Variants in MED18 observed in about 807,000 individuals in gnomAD.
The protein encoded by MED18 is mediator complex subunit 18, also known as mediator of RNA polymerase II transcription subunit 18.
In MED18, 10 loss-of-function variants were observed where a neutral mutation model predicts 13.9. The observed-to-expected ratio is 0.72, with a 90% CI of 0.44 to 1.22. The LOEUF is 1.22. MED18 is among the 50% of genes most tolerant of loss of function. The pLI is 0.00. For synonymous variants in MED18, 88 were observed against 93.2 expected, an observed-to-expected ratio of 0.94 and a Z score of 0.32; for missense variants, 216 against 279.0, an observed-to-expected ratio of 0.77 and a Z score of 1.61.
intron 2 of MED18, among the ~76,000 whole-genome samples, chr1:28,331,252 G>C (rs1024443243): frequency 7.9e-5 from 12 of 151,736 alleles, no homozygotes; most frequent in African/African-American, 2.7e-4. Context: ...GTATTGTTAA[G>C]TATATTAACA....
At chr1:28,333,346 G>A (rs1235008582) in intron 2 of MED18, among the ~76,000 whole-genome samples, 1 of 152,124 alleles carries the variant, frequency 6.6e-6, no homozygotes, top group Non-Finnish European at 1.5e-5. Context: ...CAGTGTTTGG[G>A]GAAGATGAGA....
In MED18 at chr1:28,334,434, A is replaced by C. The variant is rs200869940; in HGVS notation, c.91A>C (p.Ser31Arg). The C allele has an allele frequency of 1.9e-5, 30 of 1,613,460 alleles. No homozygotes were observed. Among genetic ancestry groups the C allele is most frequent in the Non-Finnish European group, 2.3e-5 (27 of 1,179,648 alleles). ...YLLQGSVLDH[S>R]LESLIHRLRG... Reference sequence around the variant, plus strand: ...GTTTTCAGGAAGTGTTTTAGATCACAGTTTGGAAAGCCTCATCCACCGCCT... The same window carrying C: ...GTTTTCAGGAAGTGTTTTAGATCACCGTTTGGAAAGCCTCATCCACCGCCT... The change falls in exon 3 of 3, where the codon AGT becomes CGT. Residue 31 changes from serine (S) to arginine (R), a missense_variant. Coordinates refer to ENST00000373842, the MANE Select transcript of MED18 (RefSeq NM_017638.3).
chr1:28,332,110 G>A (rs1649757993), intron 2 of MED18, among the ~76,000 whole-genome samples: 1 of 152,130 alleles, frequency 6.6e-6, no homozygotes, highest in South Asian at 2.1e-4. Context: ...GCAGAAAGAT[G>A]ACTAAAAAAA....
At chr1:28,333,598 A>G (rs563736649) in intron 2 of MED18, among the ~76,000 whole-genome samples, 52 of 152,350 alleles carry the variant, frequency 3.4e-4, no homozygotes, top group Admixed American at 2.0e-3. Flanking sequence ...CAGTGGCTCC[A>G]TGCCTGTAAT....
intron 2 of MED18, among the ~76,000 whole-genome samples, chr1:28,333,128 A>G (rs1649798243): frequency 6.6e-6 from 1 of 152,196 alleles, no homozygotes; most frequent in Non-Finnish European, 1.5e-5. Flanking sequence ...ACAGTTTGAT[A>G]TTGAACATGT....
intron 2 of MED18, among the ~76,000 whole-genome samples, chr1:28,333,835 G>GT (rs1212616266): frequency 6.6e-6 from 1 of 152,220 alleles, no homozygotes; most frequent in Non-Finnish European, 1.5e-5. Context: ...ACTCCAGCCT[G>GT]AAGACAGAGC....
intron 2 of MED18, among the ~76,000 whole-genome samples, chr1:28,331,321 T>C (rs1240386202): frequency 6.6e-6 from 1 of 152,058 alleles, no homozygotes; most frequent in Non-Finnish European, 1.5e-5. Context: ...AAAAAATACT[T>C]AGTACAACTT....
rs190741784 is a variant in MED18 at position 28,335,111 on chromosome 1, G to A, written c.*141G>A. The A allele has an allele frequency of 3.5e-4, 263 of 758,810 alleles. 1 individual carries two copies. In the African/African-American group the frequency reaches 3.7e-3, roughly 11 times the overall value. 47.0% of individuals were successfully genotyped at this position (758,810 alleles called of 1,614,324 possible). A position where few individuals can be genotyped will look rare whatever the true frequency, so the allele number is the denominator to read the frequency against. On this transcript the variant is annotated 3_prime_UTR_variant, in exon 3 of 3. Transcript: ENST00000373842. Reference sequence around the variant, plus strand: ...GGCTGGAGTGCAGTGGCACGATCTCGGCTCACTGCAACCTCTGCCTCCTGG... The same window carrying A: ...GGCTGGAGTGCAGTGGCACGATCTCAGCTCACTGCAACCTCTGCCTCCTGG...
intron 2 of MED18, among the ~76,000 whole-genome samples, chr1:28,331,347 C>CA (rs543321212): frequency 2.8e-3 from 423 of 152,018 alleles, no homozygotes; most frequent in Admixed American, 5.4e-3. Flanking sequence ...TTCTTTGAGA[C>CA]AGAGTCTCAA....
At chr1:28,329,999 G>T (rs143296200) in intron 1 of MED18, among the ~76,000 whole-genome samples, 1 of 152,042 alleles carries the variant, frequency 6.6e-6, no homozygotes, top group Non-Finnish European at 1.5e-5. Context: ...GCCGGGCACG[G>T]TGGCTCACAC....
rs769973404 is a variant in MED18 at position 28,334,635 on chromosome 1, C to T, written c.292C>T (p.Arg98Cys). The T allele has an allele frequency of 8.7e-6, 14 of 1,614,154 alleles. No individual in the cohort carries two copies. The highest frequency in any genetic ancestry group is 3.3e-4 in the Middle Eastern group (2 of 6,062). The change falls in exon 3 of 3, where the codon CGC becomes TGC. Residue 98 changes from arginine to cysteine, a missense_variant. Transcript: ENST00000373842. ...ACAGCCAGAAATGGGAGACAAGAAC[C>T]GCCATGCCCTGGTGCGAAACTGCGT... ...LGQPEMGDKN[R>C]HALVRNCVDI...
chr1:28,330,789 C>G, intron 2 of MED18, 54 bp downstream of exon 2: 1 of 1,402,256 alleles, frequency 7.1e-7, no homozygotes, highest in Non-Finnish European at 9.7e-7. Context: ...TGTTCAGCTT[C>G]CCTTAAGATG....
chr1:28,334,121 C>T (rs754974193), intron 2 of MED18, among the ~76,000 whole-genome samples: 13 of 152,064 alleles, frequency 8.5e-5, no homozygotes, highest in Non-Finnish European at 1.6e-4. Flanking sequence ...TAGACACTGT[C>T]GCTGATTAAA....
At chr1:28,330,931 G>A (rs574353402) in intron 2 of MED18, 196 bp downstream of exon 2, 9 of 362,796 alleles carry the variant, frequency 2.5e-5, no homozygotes, top group Middle Eastern at 8.1e-4. Context: ...GGTGGCTCAC[G>A]CGTATAATCC....
At chr1:28,332,397 G>A (rs1199586961) in intron 2 of MED18, among the ~76,000 whole-genome samples, 4 of 151,252 alleles carry the variant, frequency 2.6e-5, no homozygotes, top group African/African-American at 9.7e-5. Flanking sequence ...GAGACAGAGT[G>A]AGACCCTACC....
Position 28,330,101 on chromosome 1 carries a change from G to C in MED18, c.-66-496G>C, listed in dbSNP as rs147152863. Among the ~76,000 whole-genome samples, 852 of 151,948 alleles carry C rather than the reference G, an allele frequency of 5.6e-3. 4 individuals are homozygous for C. Among genetic ancestry groups the C allele is most frequent in the Non-Finnish European group, 9.3e-3 (631 of 67,948 alleles). On this transcript the variant is annotated intron_variant, in intron 1 of 2. Transcript: ENST00000373842. ...AACCTGGCCAACATGACGAAACCCC[G>C]TCTCTACTAAAAATACAAAAAAAAT...
intron 2 of MED18, 82 bp downstream of exon 2, chr1:28,330,817 G>A: frequency 1.8e-6 from 2 of 1,098,480 alleles, no homozygotes; most frequent in Non-Finnish European, 2.6e-6. Context: ...TAACACAAAA[G>A]CAGCCTGCAC....
chr1:28,331,951 C>T (rs1395118388), intron 2 of MED18, among the ~76,000 whole-genome samples: 6 of 152,098 alleles, frequency 3.9e-5, no homozygotes, highest in Non-Finnish European at 5.9e-5. Context: ...CCATGTTGGC[C>T]GGGCTGGTCT....
rs1649870661 is a variant in MED18 at position 28,334,670 on chromosome 1, C to G, written c.327C>G (p.Ala109=). The G allele has an allele frequency of 1.2e-6, 2 of 1,614,198 alleles. No homozygotes were observed. Among genetic ancestry groups the G allele is most frequent in the Non-Finnish European group, 1.7e-6 (2 of 1,180,046 alleles). Residue 109 remains alanine, a synonymous_variant, in exon 3 of 3, where the codon GCC becomes GCG. Transcript: ENST00000373842. ...TGGTGCGAAACTGCGTGGACATTGC[C>G]ACATCTGAGAACCTCACCGACTTCT... ...HALVRNCVDI[A]TSENLTDFLM...
Sources: gnomAD v4.1 joint callset for allele counts (sites outside exome capture counted in the v4.1 genomes callset) on GRCh38, gnomAD v4.1.1 for gene constraint, MANE v1.5 for transcripts, NCBI Gene and HGNC (gene_info 2026-07-23, HGNC 2026-07-21) for gene names.